The following CERK variants were observed in gnomAD, a reference collection of about 807,000 sequenced individuals.
CERK encodes the protein acylsphingosine kinase.
CERK carries 39 observed loss-of-function variants against 63.4 expected under a neutral mutation model. The ratio of observed to expected loss-of-function variants is 0.61; its 90% confidence interval spans 0.48 to 0.80. The LOEUF is 0.80. Ranked by LOEUF, CERK falls within the 30% of genes least tolerant of loss-of-function variation. CERK has a pLI of 0.00. For synonymous variants in CERK, 302 were observed against 280.0 expected (o/e 1.08, Z -0.78); for missense variants, 670 against 714.1 (o/e 0.94, Z 0.70).
chr22:46,703,585 C>T (rs1261459042), intron 6 of CERK, among the ~76,000 whole-genome samples: 1 of 152,314 alleles, frequency 6.6e-6, no homozygotes, highest in South Asian at 2.1e-4. Context: ...GTGTCTCCCT[C>T]ACCCTTACTC....
intron 7 of CERK, among the ~76,000 whole-genome samples, chr22:46,701,010 C>CAA (rs57653833): frequency 7.7e-6 from 1 of 129,092 alleles, no homozygotes; most frequent in Non-Finnish European, 1.7e-5. Flanking sequence ...AACTCCATCT[C>CAA]AAAAAAAAAA....
chr22:46,690,155 ACTG>A lies in CERK; in HGVS notation c.1375_1377del (p.Gln459del). 3 of 1,613,976 alleles carry A rather than the reference ACTG, an allele frequency of 1.9e-6. No individual in the cohort carries two copies. Among genetic ancestry groups the A allele is most frequent in the Non-Finnish European group, 2.5e-6 (3 of 1,179,982 alleles). ...TCATCCTCCATGTGCTTCGACGTAA[ACTG>A]GAATTTCTTGACGCGATAAACTTCA... On this transcript the variant is annotated inframe_deletion, in exon 12 of 13. Coordinates refer to ENST00000216264, the MANE Select transcript of CERK (RefSeq NM_022766.6).
At chr22:46,694,370 G>C (rs941303155) in intron 9 of CERK, among the ~76,000 whole-genome samples, 5 of 152,194 alleles carry the variant, frequency 3.3e-5, no homozygotes, top group African/African-American at 1.2e-4. Flanking sequence ...CACTGTGTGG[G>C]GGTGGGGGCG....
chr22:46,708,869 A>C (rs1170779003), intron 5 of CERK, among the ~76,000 whole-genome samples: 4 of 151,964 alleles, frequency 2.6e-5, no homozygotes, highest in African/African-American at 7.2e-5. Context: ...CCGGTAGAGG[A>C]GCGGTGTGAG....
chr22:46,713,119 G>A (rs1320133081), intron 3 of CERK, among the ~76,000 whole-genome samples: 1 of 152,014 alleles, frequency 6.6e-6, no homozygotes, highest in East Asian at 1.9e-4. Flanking sequence ...ATGTGACTCT[G>A]CTACTTAAAA....
At chr22:46,712,329 A>G in intron 3 of CERK, 36 bp from the exon 4 acceptor site, 7 of 1,604,402 alleles carry the variant, frequency 4.4e-6, no homozygotes, top group Non-Finnish European at 6.0e-6. Context: ...CAACGAAAAT[A>G]ACAAAATCAA....
chr22:46,722,935 G>A (rs559324026), intron 1 of CERK, among the ~76,000 whole-genome samples: 1 of 152,216 alleles, frequency 6.6e-6, no homozygotes, highest in South Asian at 2.1e-4. Context: ...AGGCGACGTA[G>A]GGGCAGGAGC....
In CERK at chr22:46,693,437, C is replaced by T; in HGVS notation, c.1116G>A (p.Leu372=). 6.2e-7 allele frequency: 1 copy of T among 1,614,084 alleles called. No homozygotes were observed. The highest frequency in any genetic ancestry group is 8.5e-7 in the Non-Finnish European group (1 of 1,179,962). ...EEEQKKALYG[L]EAAEDVEEWQ... ...TGTTTTAGGAATTACCCGCAGCTTCCAAACCATACAGTGCTTTCTTCTGCT... is the reference window on the plus strand; with the variant it reads ...TGTTTTAGGAATTACCCGCAGCTTCTAAACCATACAGTGCTTTCTTCTGCT... The change falls in exon 10 of 13, where the codon TTG becomes TTA. Residue 372 remains leucine (L), a synonymous_variant. Transcript: ENST00000216264.
chr22:46,734,454 C>T (rs1039409859), intron 1 of CERK, among the ~76,000 whole-genome samples: 2 of 152,142 alleles, frequency 1.3e-5, no homozygotes, highest in African/African-American at 4.8e-5. Context: ...GGCACAAAGA[C>T]GTGCACATGG....
intron 1 of CERK, among the ~76,000 whole-genome samples, chr22:46,722,389 G>T (rs2082896778): frequency 1.3e-5 from 2 of 152,014 alleles, no homozygotes; most frequent in Admixed American, 6.6e-5. Context: ...CAGCCCCAGG[G>T]GAGCAGACTT....
At chr22:46,699,513 G>C (rs547617944) in intron 7 of CERK, 48 bp from the exon 8 acceptor site, 1 of 1,591,418 alleles carries the variant, frequency 6.3e-7, no homozygotes, top group Admixed American at 1.7e-5. Context: ...CTCCAGCCCC[G>C]CCCCATCCAC....
chr22:46,701,767 C>T (rs1448762719), intron 6 of CERK, 57 bp from the exon 7 acceptor site: 1 of 1,334,026 alleles, frequency 7.5e-7, no homozygotes, highest in Admixed American at 2.0e-5. Context: ...TTGTAATCGC[C>T]TCCCAATTCA....
At chr22:46,725,698 A>C (rs970946175) in intron 1 of CERK, among the ~76,000 whole-genome samples, 8 of 152,214 alleles carry the variant, frequency 5.3e-5, no homozygotes, top group African/African-American at 1.9e-4. Context: ...TCTTCAATAG[A>C]GGTAATGATC....
chr22:46,713,693 G>C (rs1333380940), intron 3 of CERK, among the ~76,000 whole-genome samples: 2 of 152,062 alleles, frequency 1.3e-5, no homozygotes, highest in Non-Finnish European at 2.9e-5. Context: ...ACTACTGGGT[G>C]CGACCAACAT....
At chr22:46,715,160 T>G (rs181481012) in intron 3 of CERK, among the ~76,000 whole-genome samples, 33 of 152,322 alleles carry the variant, frequency 2.2e-4, no homozygotes, top group Admixed American at 1.9e-3. Flanking sequence ...AACATCATTC[T>G]TAATGGTGAA....
At chr22:46,733,976 C>T (rs2082959240) in intron 1 of CERK, among the ~76,000 whole-genome samples, 2 of 151,990 alleles carry the variant, frequency 1.3e-5, no homozygotes, top group Admixed American at 1.3e-4. Context: ...GTGGAGGTTG[C>T]AGTGAGCCGA....
Position 46,701,720 on chromosome 22 carries a change from GA to G in CERK, c.716-11del. On this transcript the variant is annotated splice_polypyrimidine_tract_variant and intron_variant, in intron 6 of 12. Coordinates refer to ENST00000216264, the MANE Select transcript of CERK (RefSeq NM_022766.6). ...ACGCAGTCCGTTGACCCTGTAAAGGGAAAAAGAAGGTCCCAAATAGCATCAG... is the reference window on the plus strand; with the variant it reads ...ACGCAGTCCGTTGACCCTGTAAAGGGAAAAGAAGGTCCCAAATAGCATCAG... 1 of 1,550,518 alleles carries G rather than the reference GA, an allele frequency of 6.4e-7. No homozygotes were observed. Among genetic ancestry groups the G allele is most frequent in the Non-Finnish European group, 8.7e-7 (1 of 1,145,986 alleles).
chr22:46,718,385 C>T (rs976526231), intron 3 of CERK, among the ~76,000 whole-genome samples: 1 of 151,946 alleles, frequency 6.6e-6, no homozygotes, highest in African/African-American at 2.4e-5. Flanking sequence ...AAGGGGGAGT[C>T]GAGAGACAAA....
chr22:46,685,931 G>T lies in CERK; in HGVS notation c.*1203C>A, dbSNP rs556062493. 1.3e-5 allele frequency: 2 copies of T among 152,280 alleles called. No homozygotes were observed. The highest frequency in any genetic ancestry group is 1.3e-4 in the Admixed American group (2 of 15,296). 9.4% of individuals were successfully genotyped at this position (152,280 alleles called of 1,614,324 possible). A position where few individuals can be genotyped will look rare whatever the true frequency, so the allele number is the denominator to read the frequency against. ...CTCCTTACAGATCAAAGTTTAAGCC[G>T]CATATTCTCATATTTCAAACAAAAC... On this transcript the variant is annotated 3_prime_UTR_variant, in exon 13 of 13. Coordinates refer to ENST00000216264, the MANE Select transcript of CERK (RefSeq NM_022766.6).
Sources: allele counts gnomAD v4.1 joint callset (sites outside exome capture counted in the v4.1 genomes callset), GRCh38; gene constraint gnomAD v4.1.1; transcripts MANE v1.5; gene names NCBI Gene and HGNC (gene_info 2026-07-23, HGNC 2026-07-21).